Variants in PLCE1 observed in about 807,000 individuals in gnomAD.
PLCE1 encodes phospholipase C epsilon 1, also known as 1-phosphatidylinositol 4,5-bisphosphate phosphodiesterase epsilon-1.
In PLCE1, 119 loss-of-function variants were observed where a neutral mutation model predicts 242.8. The ratio of observed to expected loss-of-function variants is 0.49; its 90% CI spans 0.42 to 0.57. The LOEUF is 0.57. PLCE1 is among the 20% of genes least tolerant of loss of function. PLCE1 has a pLI of 0.00. For missense variants in PLCE1, 2,441 were observed against 2,788.8 expected, an observed-to-expected ratio of 0.88 and a Z score of 2.81; for synonymous variants, 945 against 1,017.4, an observed-to-expected ratio of 0.93 and a Z score of 1.35.
intron 16 of PLCE1, 74 bp downstream of exon 16, chr10:94,266,032 C>G: frequency 4.2e-6 from 6 of 1,426,856 alleles, no homozygotes; most frequent in Non-Finnish European, 5.9e-6. Context: ...GTCAAAAAAA[C>G]CTGACCCCAG....
chr10:94,043,683 T>A (rs192461434), intron 2 of PLCE1, among the ~76,000 whole-genome samples: 14 of 152,320 alleles, frequency 9.2e-5, no homozygotes, highest in Non-Finnish European at 1.9e-4. Flanking sequence ...AGTTCTAAAT[T>A]GTTTAATAGC....
chr10:94,107,684 G>T (rs2045802991), intron 2 of PLCE1: 1 of 151,958 alleles, frequency 6.6e-6, no homozygotes, highest in Non-Finnish European at 1.5e-5. Context: ...ATTGGAGTTA[G>T]GATGCTTGGA....
At chr10:94,317,327 C>A (rs892031727) in intron 29 of PLCE1, among the ~76,000 whole-genome samples, 1 of 152,066 alleles carries the variant, frequency 6.6e-6, no homozygotes, top group African/African-American at 2.4e-5. Context: ...TAAAAACATA[C>A]CTTATAAGAT....
At chr10:94,044,979 T>C (rs907531943) in intron 2 of PLCE1, among the ~76,000 whole-genome samples, 2 of 152,150 alleles carry the variant, frequency 1.3e-5, no homozygotes, top group African/African-American at 4.8e-5. Context: ...TTGAGCTAGC[T>C]CATCTTTTTT....
At chr10:94,206,278 T>G (rs1758310407) in intron 4 of PLCE1, among the ~76,000 whole-genome samples, 1 of 152,112 alleles carries the variant, frequency 6.6e-6, no homozygotes, top group Non-Finnish European at 1.5e-5. Flanking sequence ...AAAGCGTGCC[T>G]GGCATATTCA....
At chr10:94,100,769 T>C (rs2045503511) in intron 2 of PLCE1, 1 of 152,218 alleles carries the variant, frequency 6.6e-6, no homozygotes, top group Admixed American at 6.5e-5. Context: ...TCATACTGTA[T>C]GCAGACCACT....
intron 4 of PLCE1, among the ~76,000 whole-genome samples, chr10:94,184,011 C>T (rs74151077): frequency 0.023 from 3,545 of 152,252 alleles, 129 homozygotes; most frequent in African/African-American, 0.08. Context: ...GGCAAACATC[C>T]AAACCATAGC....
At chr10:94,295,170 C>G (rs2052771321) in intron 23 of PLCE1, among the ~76,000 whole-genome samples, 1 of 151,962 alleles carries the variant, frequency 6.6e-6, no homozygotes, top group Non-Finnish European at 1.5e-5. Context: ...CCTACCTCAG[C>G]CTTCCAAAGT....
Position 94,327,979 on chromosome 10 carries a change from T to G in PLCE1, c.*36T>G, listed in dbSNP as rs1382337452. On this transcript the variant is annotated 3_prime_UTR_variant, in exon 33 of 33. Transcript: ENST00000371380. The stretch of plus-strand genomic sequence containing the variant: ...ATACAACATTACAGGTGAAGATCTT[T>G]AAGCAAGAAGTTAAAGAGTGAACAT... 1.9e-6 allele frequency: 1 copy of G among 532,744 alleles called. No individual in the cohort carries two copies. Among genetic ancestry groups the G allele is most frequent in the East Asian group, 5.4e-5 (1 of 18,364 alleles). 33.0% of individuals were successfully genotyped at this position (532,744 alleles called of 1,614,324 possible).
intron 28 of PLCE1, among the ~76,000 whole-genome samples, chr10:94,316,296 C>G (rs927657249): frequency 6.6e-6 from 1 of 152,170 alleles, no homozygotes; most frequent in African/African-American, 2.4e-5. Flanking sequence ...ACTAGGAGCT[C>G]TCATTCCAGC....
intron 1 of PLCE1, among the ~76,000 whole-genome samples, chr10:94,015,281 C>G (rs1332228766): frequency 6.6e-6 from 1 of 152,114 alleles, no homozygotes; most frequent in Non-Finnish European, 1.5e-5. Context: ...TACCTCAAAG[C>G]TGCTTTATCT....
At chr10:94,241,811 C>G (rs1002852488) in intron 7 of PLCE1, among the ~76,000 whole-genome samples, 1 of 148,398 alleles carries the variant, frequency 6.7e-6, no homozygotes, top group African/African-American at 2.5e-5. Context: ...AAAAAAAGCC[C>G]CTCTAGAGGA....
At position 94,323,003 on chromosome 10, in the gene PLCE1, C is replaced by G. The variant is rs978999136; in HGVS notation, c.6501+944C>G. Among the ~76,000 whole-genome samples the G allele has an allele frequency of 2.0e-5, 3 of 152,156 alleles. 1 individual carries two copies. Among genetic ancestry groups the G allele is most frequent in the Non-Finnish European group, 4.4e-5 (3 of 68,028 alleles). On this transcript the variant is annotated intron_variant, in intron 30 of 32. Transcript: ENST00000371380. The stretch of plus-strand genomic sequence containing the variant: ...GTTTAAAATCTTGGAAATATTAATT[C>G]ATTCCTTCAACAGACACTTAGTATC...
At chr10:94,197,343 T>C (rs1590226146) in intron 4 of PLCE1, among the ~76,000 whole-genome samples, 2 of 152,218 alleles carry the variant, frequency 1.3e-5, no homozygotes, top group Non-Finnish European at 2.9e-5. Context: ...ATCTTGAGTA[T>C]GTACCTAGGA....
chr10:94,006,572 A>G lies in PLCE1; in HGVS notation c.-365+12314A>G, dbSNP rs1020880736. Among the ~76,000 whole-genome samples, 26 of 152,236 alleles carry G rather than the reference A, an allele frequency of 1.7e-4. 1 individual carries two copies. Among genetic ancestry groups the G allele is most frequent in the Non-Finnish European group, 1.2e-4 (8 of 68,038 alleles). ...CTCCTACAAGGGATTGTTGTAAGGT[A>G]TGAATGAGATGGTGTCAAAAACATC... is the stretch of plus-strand genomic sequence containing the variant. On this transcript the variant is annotated intron_variant, in intron 1 of 32. Transcript: ENST00000371380.
At chr10:94,046,018 G>C (rs150020830) in intron 2 of PLCE1, among the ~76,000 whole-genome samples, 1 of 151,418 alleles carries the variant, frequency 6.6e-6, no homozygotes, top group Non-Finnish European at 1.5e-5. Flanking sequence ...TCTCAGGTTT[G>C]TCCTGCCTTC....
chr10:94,196,645 T>C (rs369788552), intron 4 of PLCE1, among the ~76,000 whole-genome samples: 4 of 151,844 alleles, frequency 2.6e-5, no homozygotes, highest in East Asian at 3.9e-4. Context: ...AATTTAAAAA[T>C]AAAAAAAGAC....
chr10:93,996,432 C>G (rs1181693675), intron 1 of PLCE1, among the ~76,000 whole-genome samples: 1 of 152,088 alleles, frequency 6.6e-6, no homozygotes, highest in Non-Finnish European at 1.5e-5. Context: ...CATGGTGCTT[C>G]TGGAAGAGGG....
At position 94,255,176 on chromosome 10, in the gene PLCE1, G is replaced by GA; in HGVS notation, c.3554+132dup. 3.5e-6 allele frequency: 4 copies of GA among 1,147,392 alleles called. No homozygotes were observed. In the East Asian group the frequency reaches 9.9e-5, roughly 28 times the overall value. 71.1% of individuals were successfully genotyped at this position (1,147,392 alleles called of 1,614,324 possible). ...TTGATGTATAGTTGAACTGAAAACT[G>GA]AAAAATCCCAAAATTTTAAATGATC... is the stretch of plus-strand genomic sequence containing the variant. On this transcript the variant is annotated intron_variant, in intron 11 of 32. Transcript: ENST00000371380.
Sources: allele counts gnomAD v4.1 joint callset (sites outside exome capture counted in the v4.1 genomes callset), GRCh38; gene constraint gnomAD v4.1.1; transcripts MANE v1.5; gene names NCBI Gene and HGNC (gene_info 2026-07-23, HGNC 2026-07-21).